The following CDH13 variants were observed in gnomAD, a reference collection of about 807,000 sequenced individuals.
CDH13 encodes the protein cadherin-13.
In CDH13, 24 loss-of-function variants were observed where a neutral mutation model predicts 63.8. The ratio of observed to expected loss-of-function variants is 0.38; its 90% CI spans 0.27 to 0.53. The LOEUF is 0.53. CDH13 is among the 20% of genes least tolerant of loss of function. The probability of loss-of-function intolerance (pLI) is 0.85; values close to 1 mark genes in which losing one functional copy is unlikely to be tolerated. For missense variants in CDH13, 1,049 were observed against 903.1 expected (o/e 1.16, Z -2.07); for synonymous variants, 503 against 355.3 (o/e 1.42, Z -4.67).
intron 1 of CDH13, among the ~76,000 whole-genome samples, chr16:82,771,477 C>G (rs1441858488): frequency 6.6e-6 from 1 of 152,160 alleles, no homozygotes; most frequent in Admixed American, 6.5e-5. Context: ...ATCTATTCTG[C>G]CGTCAGCATT....
chr16:83,447,257 A>C (rs1198428728), intron 6 of CDH13, among the ~76,000 whole-genome samples: 2 of 151,566 alleles, frequency 1.3e-5, no homozygotes, highest in East Asian at 3.9e-4. Flanking sequence ...TCTACTAAAA[A>C]TACAAAAATT....
At chr16:83,270,923 C>T (rs566552569) in intron 5 of CDH13, among the ~76,000 whole-genome samples, 2 of 148,704 alleles carry the variant, frequency 1.3e-5, no homozygotes, top group Non-Finnish European at 3.0e-5. Flanking sequence ...TCCCTCACTC[C>T]TTTCCTTTCT....
intron 11 of CDH13, among the ~76,000 whole-genome samples, chr16:83,756,887 G>C (rs1247439587): frequency 6.6e-6 from 1 of 152,040 alleles, no homozygotes; most frequent in Non-Finnish European, 1.5e-5. Context: ...AAAACAACAA[G>C]GAGTAAAGCT....
chr16:83,446,282 G>A lies in CDH13; in HGVS notation c.782-40195G>A, dbSNP rs1468679074. Among the ~76,000 whole-genome samples, 6 of 143,726 alleles carry A rather than the reference G, an allele frequency of 4.2e-5. No individual in the cohort carries two copies. The South Asian group carries it at 8.8e-4, about 21-fold the overall frequency. 94.3% of individuals were successfully genotyped at this position (143,726 alleles called of 152,430 possible). On this transcript the variant is annotated intron_variant, in intron 6 of 13. Transcript: ENST00000567109. ...CATGCCACTGCACTCCAGCCTGGGC[G>A]ACAGAGTGAGACTGTCTCAAAAAAA...
intron 6 of CDH13, among the ~76,000 whole-genome samples, chr16:83,376,781 T>C (rs2091467368): frequency 6.6e-6 from 1 of 152,002 alleles, no homozygotes; most frequent in South Asian, 2.1e-4. Flanking sequence ...TGATTCTAGG[T>C]GAGGAGGGGA....
chr16:83,406,587 C>A (rs1200854432), intron 6 of CDH13, among the ~76,000 whole-genome samples: 1 of 152,172 alleles, frequency 6.6e-6, no homozygotes. Flanking sequence ...CCTTAGCCTC[C>A]CAAGTAGTTG....
intron 7 of CDH13, among the ~76,000 whole-genome samples, chr16:83,597,315 A>C (rs1036967175): frequency 2.6e-5 from 4 of 152,216 alleles, no homozygotes; most frequent in African/African-American, 9.6e-5. Flanking sequence ...GGATCTGTAC[A>C]TTGGACTATT....
chr16:83,058,055 A>C (rs1228419287), intron 3 of CDH13, among the ~76,000 whole-genome samples: 1 of 152,254 alleles, frequency 6.6e-6, no homozygotes, highest in Non-Finnish European at 1.5e-5. Flanking sequence ...AAGAATATTT[A>C]CTTCTAAAAC....
intron 4 of CDH13, among the ~76,000 whole-genome samples, chr16:83,202,343 G>C (rs775007370): frequency 1.1e-4 from 17 of 152,320 alleles, no homozygotes; most frequent in Middle Eastern, 3.4e-3. Context: ...GCTGAAGACA[G>C]AGGCAGGGAT....
intron 2 of CDH13, among the ~76,000 whole-genome samples, chr16:82,917,489 G>C (rs1235520423): frequency 6.6e-6 from 1 of 152,172 alleles, no homozygotes; most frequent in African/African-American, 2.4e-5. Flanking sequence ...AAAGGCAAGA[G>C]AGGCAAGAAG....
intron 10 of CDH13, among the ~76,000 whole-genome samples, chr16:83,718,418 A>G (rs1337462555): frequency 6.6e-6 from 1 of 152,236 alleles, no homozygotes; most frequent in Non-Finnish European, 1.5e-5. Flanking sequence ...CACTCAAGAA[A>G]GGTGAGTGTG....
chr16:83,024,146 T>C (rs916085351), intron 2 of CDH13, among the ~76,000 whole-genome samples: 1 of 152,184 alleles, frequency 6.6e-6, no homozygotes, highest in Non-Finnish European at 1.5e-5. Context: ...TGGCAAGGAA[T>C]GTAGTACCAG....
At chr16:82,983,436 G>C (rs546863571) in intron 2 of CDH13, among the ~76,000 whole-genome samples, 1 of 152,160 alleles carries the variant, frequency 6.6e-6, no homozygotes, top group Admixed American at 6.5e-5. Context: ...TGAGTTTGGA[G>C]GGTTGAAGGG....
chr16:82,695,405 AC>A (rs749811130), intron 1 of CDH13, among the ~76,000 whole-genome samples: 3 of 152,194 alleles, frequency 2.0e-5, no homozygotes, highest in Non-Finnish European at 4.4e-5. Flanking sequence ...TTTTAACTCT[AC>A]TTCCCACCAA....
chr16:82,747,194 G>C (rs1402304511), intron 1 of CDH13, among the ~76,000 whole-genome samples: 1 of 152,138 alleles, frequency 6.6e-6, no homozygotes, highest in Admixed American at 6.6e-5. Context: ...TTATGATGGA[G>C]AAAAAACTGT....
At chr16:83,328,509 G>A (rs9932952) in intron 5 of CDH13, among the ~76,000 whole-genome samples, 59,608 of 151,742 alleles carry the variant, frequency 0.39, 12,083 homozygotes, top group Admixed American at 0.46. Context: ...GCCAATTTAC[G>A]TATTCAAAGA....
chr16:83,158,149 G>A lies in CDH13; in HGVS notation c.483+32648G>A, dbSNP rs114289187. The stretch of plus-strand genomic sequence containing the variant: ...ATAAGATCAGGAAGAGTCCCTTCCT[G>A]AATCCAGGTACTCCCACTCCCCCCG... On this transcript the variant is annotated intron_variant, in intron 4 of 13. Coordinates refer to ENST00000567109, the MANE Select transcript of CDH13 (RefSeq NM_001257.5). Among the ~76,000 whole-genome samples, 787 of 152,062 alleles carry A rather than the reference G, an allele frequency of 5.2e-3. 5 individuals are homozygous for A. Among genetic ancestry groups the A allele is most frequent in the African/African-American group, 0.018 (751 of 41,464 alleles).
intron 1 of CDH13, among the ~76,000 whole-genome samples, chr16:82,807,705 T>G (rs2037218666): frequency 6.6e-6 from 1 of 152,166 alleles, no homozygotes; most frequent in Admixed American, 6.5e-5. Context: ...GCTTCCTGTT[T>G]CTTACAGAGG....
At chr16:83,311,455 ACCTT>A (rs2089998825) in intron 5 of CDH13, among the ~76,000 whole-genome samples, 1 of 152,166 alleles carries the variant, frequency 6.6e-6, no homozygotes, top group Non-Finnish European at 1.5e-5. Flanking sequence ...TTCTCCTTAT[ACCTT>A]TTAATTGTCA....
Sources: gnomAD v4.1 joint callset for allele counts (sites outside exome capture counted in the v4.1 genomes callset) on GRCh38, gnomAD v4.1.1 for gene constraint, MANE v1.5 for transcripts, NCBI Gene and HGNC (gene_info 2026-07-23, HGNC 2026-07-21) for gene names.